Variants in DPYD observed in about 807,000 individuals in gnomAD.
DPYD encodes dihydropyrimidine dehydrogenase [NADP(+)].
A neutral mutation model predicts 116.2 loss-of-function variants in DPYD; 109 were observed. The ratio of observed to expected loss-of-function variants is 0.94; its 90% CI spans 0.80 to 1.10. The LOEUF (loss-of-function observed/expected upper bound fraction) is 1.10. Among genes scored for constraint, DPYD ranks in the 50% least tolerant of loss-of-function variants. The pLI is 0.00. For synonymous variants in DPYD, 440 were observed against 432.0 expected (o/e 1.02, Z -0.23); for missense variants, 1,302 against 1,254.5 (o/e 1.04, Z -0.57).
chr1:97,756,707 T>C (rs1051902593), intron 3 of DPYD, among the ~76,000 whole-genome samples: 27 of 152,280 alleles, frequency 1.8e-4, no homozygotes, highest in African/African-American at 5.8e-4. Flanking sequence ...TCTCCCAGCA[T>C]CATGGGTGCA....
At chr1:97,632,023 A>G (rs1657291994) in intron 8 of DPYD, among the ~76,000 whole-genome samples, 1 of 152,150 alleles carries the variant, frequency 6.6e-6, no homozygotes, top group African/African-American at 2.4e-5. Context: ...GTGCATAAGC[A>G]GAAGCCCATG....
At chr1:97,563,481 T>C (rs541810383) in intron 11 of DPYD, among the ~76,000 whole-genome samples, 2 of 152,326 alleles carry the variant, frequency 1.3e-5, no homozygotes, top group South Asian at 2.1e-4. Flanking sequence ...TTCTACCTTC[T>C]TTCCCTAACA....
chr1:97,161,821 G>A (rs2101746008), intron 20 of DPYD, among the ~76,000 whole-genome samples: 1 of 148,358 alleles, frequency 6.7e-6, no homozygotes, highest in South Asian at 2.2e-4. Context: ...AACATGGGGT[G>A]TTTGGTTTTT....
chr1:97,755,079 C>T (rs1161866154), intron 3 of DPYD, among the ~76,000 whole-genome samples: 1 of 152,154 alleles, frequency 6.6e-6, no homozygotes, highest in Admixed American at 6.6e-5. Flanking sequence ...GGTTGCAGGA[C>T]AATTCTATGG....
At chr1:97,266,578 G>A (rs914256860) in intron 18 of DPYD, among the ~76,000 whole-genome samples, 11 of 151,796 alleles carry the variant, frequency 7.2e-5, no homozygotes, top group Non-Finnish European at 1.5e-4. Flanking sequence ...TGTGCACAAC[G>A]GGCAGGTTTG....
At chr1:97,562,400 A>G (rs879751273) in intron 11 of DPYD, among the ~76,000 whole-genome samples, 1 of 152,216 alleles carries the variant, frequency 6.6e-6, no homozygotes, top group Non-Finnish European at 1.5e-5. Context: ...AACACTTACT[A>G]TGCAACATGC....
In DPYD at chr1:97,324,070, G is replaced by T. The variant is rs572171157; in HGVS notation, c.2059-17773C>A. Among the ~76,000 whole-genome samples, 49 of 152,116 alleles carry T rather than the reference G, an allele frequency of 3.2e-4. 1 individual carries two copies. The highest frequency in any genetic ancestry group is 2.8e-4 in the Non-Finnish European group (19 of 67,980). ...GCAGCATCTCCTGACAGTATCCCAT[G>T]ATGGCAGTAGTGGTGGATATCAACC... On this transcript the variant is annotated intron_variant, in intron 16 of 22. Transcript: ENST00000370192.
Position 97,740,437 on chromosome 1 carries a change from T to G in DPYD, c.276A>C (p.Pro92=), listed in dbSNP as rs766389732. Residue 92 remains proline, a synonymous_variant, in exon 4 of 23, where the codon CCA becomes CCC. Coordinates refer to ENST00000370192, the MANE Select transcript of DPYD (RefSeq NM_000110.4). ...CADAPCQKSC[P]TNLDIKSFIT... ...TGAATGATTTAATATCAAGATTAGT[T>G]GGACAGCTCTTCTGACACGGGGCAT... 5.0e-6 allele frequency: 8 copies of G among 1,613,166 alleles called. No individual in the cohort carries two copies. In the East Asian group the frequency reaches 1.8e-4, roughly 36 times the overall value.
intron 2 of DPYD, among the ~76,000 whole-genome samples, chr1:97,853,311 T>A (rs58893462): frequency 1.3e-5 from 2 of 152,316 alleles, no homozygotes; most frequent in African/African-American, 4.8e-5. Flanking sequence ...TTCTATGCTG[T>A]TAGTTCAGTT....
chr1:97,265,995 G>A (rs933157839), intron 18 of DPYD, among the ~76,000 whole-genome samples: 3 of 151,980 alleles, frequency 2.0e-5, no homozygotes, highest in Admixed American at 1.3e-4. Context: ...TTTAAGTAAA[G>A]GTAAAAATTA....
chr1:97,793,714 C>A (rs925750933), intron 3 of DPYD, among the ~76,000 whole-genome samples: 6 of 151,908 alleles, frequency 3.9e-5, no homozygotes, highest in African/African-American at 1.5e-4. Flanking sequence ...TAAAATTTAA[C>A]GTGAAATGTA....
chr1:97,557,237 T>C (rs1157672326), intron 11 of DPYD, among the ~76,000 whole-genome samples: 3 of 151,980 alleles, frequency 2.0e-5, no homozygotes, highest in Non-Finnish European at 2.9e-5. Flanking sequence ...TTTGAGTTCA[T>C]TGTAGATTCT....
intron 18 of DPYD, among the ~76,000 whole-genome samples, chr1:97,281,468 G>T (rs1237883748): frequency 6.6e-6 from 1 of 151,902 alleles, no homozygotes; most frequent in African/African-American, 2.4e-5. Flanking sequence ...TAACAGATGA[G>T]ATCAGCCCTC....
intron 14 of DPYD, among the ~76,000 whole-genome samples, chr1:97,435,525 T>A (rs1675423064): frequency 6.6e-6 from 1 of 151,956 alleles, no homozygotes. Flanking sequence ...ATGAACAGTC[T>A]CTTTTTAATT....
At chr1:97,809,055 G>A (rs1668221495) in intron 3 of DPYD, among the ~76,000 whole-genome samples, 1 of 152,102 alleles carries the variant, frequency 6.6e-6, no homozygotes, top group African/African-American at 2.4e-5. Context: ...GCAGTAGAGG[G>A]GATCAGGATC....
intron 18 of DPYD, among the ~76,000 whole-genome samples, chr1:97,289,374 G>A (rs576480046): frequency 6.6e-6 from 1 of 152,264 alleles, no homozygotes; most frequent in South Asian, 2.1e-4. Context: ...GCCGGGCAGA[G>A]ACACAATCGA....
At chr1:97,123,358 A>G (rs559269274) in intron 20 of DPYD, among the ~76,000 whole-genome samples, 1 of 152,232 alleles carries the variant, frequency 6.6e-6, no homozygotes, top group East Asian at 1.9e-4. Flanking sequence ...TAACTAGTTC[A>G]TTGAGACTTT....
chr1:97,759,406 C>T (rs780566453), intron 3 of DPYD, among the ~76,000 whole-genome samples: 2 of 152,026 alleles, frequency 1.3e-5, no homozygotes, highest in South Asian at 2.1e-4. Flanking sequence ...TTATGCTCAC[C>T]GACTCTTAGG....
At chr1:97,257,555 G>T (rs575417425) in intron 18 of DPYD, among the ~76,000 whole-genome samples, 2 of 149,230 alleles carry the variant, frequency 1.3e-5, no homozygotes, top group African/African-American at 5.0e-5. Flanking sequence ...ATATGTATAC[G>T]TATATATATA....
Sources: allele counts gnomAD v4.1 joint callset (sites outside exome capture counted in the v4.1 genomes callset), GRCh38; gene constraint gnomAD v4.1.1; transcripts MANE v1.5; gene names NCBI Gene and HGNC (gene_info 2026-07-23, HGNC 2026-07-21).